CCDC171: variants seen among roughly 807,000 people sequenced by gnomAD.
CCDC171 encodes the protein coiled-coil domain containing 171, also known as coiled-coil domain-containing protein 171.
In CCDC171, 177 loss-of-function variants were observed where a neutral mutation model predicts 168.2. The observed-to-expected ratio is 1.05, with a 90% CI of 0.93 to 1.19. CCDC171 has a LOEUF of 1.19. Among genes scored for constraint, CCDC171 ranks in the 50% most tolerant of loss-of-function variants. The pLI is 0.00. For synonymous variants in CCDC171, 687 were observed against 540.8 expected (o/e 1.27, Z -3.75); for missense variants, 1,991 against 1,539.0 (o/e 1.29, Z -4.91).
chr9:15,640,039 A>G (rs569578742), intron 7 of CCDC171, among the ~76,000 whole-genome samples: 30 of 152,284 alleles, frequency 2.0e-4, no homozygotes, highest in African/African-American at 7.2e-4. Context: ...TAGGTACTCT[A>G]TAAATGTTCC....
At chr9:16,071,086 G>A in the CCDC171 span, among the ~76,000 whole-genome samples, 2 of 152,188 alleles carry the variant, frequency 1.3e-5, no homozygotes, top group African/African-American at 4.8e-5. Flanking sequence ...GAGCTCCCAG[G>A]AGCCGTCACA....
intron 3 of CCDC171, among the ~76,000 whole-genome samples, chr9:16,008,521 C>A (rs1422145823): frequency 1.3e-5 from 2 of 152,150 alleles, no homozygotes; most frequent in Non-Finnish European, 1.5e-5. Context: ...TTTCCCAAGT[C>A]TTTCTGAGAG....
rs2059648706 is a variant in CCDC171 at position 15,818,650 on chromosome 9, A to G, written c.3268-28052A>G. Among the ~76,000 whole-genome samples the G allele has an allele frequency of 6.8e-5, 8 of 117,936 alleles. 2 individuals are homozygous for G. Among genetic ancestry groups the G allele is most frequent in the Admixed American group, 6.4e-4 (8 of 12,468 alleles). The allele number at this position is 117,936 out of a possible 152,430, so 77.4% of individuals were successfully genotyped here. A position where few individuals can be genotyped will look rare whatever the true frequency, so the allele number is the denominator to read the frequency against. The stretch of plus-strand genomic sequence containing the variant: ...AAGAAGAGAAGTTTAGAGAAAAAAG[A>G]ATAAAAGAAACGAACAAAGCCTCCA... On this transcript the variant is annotated intron_variant, in intron 21 of 25. Coordinates refer to ENST00000380701, the MANE Select transcript of CCDC171 (RefSeq NM_173550.4).
chr9:15,649,537 C>T (rs1001996742), intron 7 of CCDC171, among the ~76,000 whole-genome samples: 1 of 151,988 alleles, frequency 6.6e-6, no homozygotes, highest in Non-Finnish European at 1.5e-5. Flanking sequence ...ACAATGAACT[C>T]AAACAAATTT....
chr9:15,934,651 T>C (rs2132196045), intron 25 of CCDC171, among the ~76,000 whole-genome samples: 1 of 152,136 alleles, frequency 6.6e-6, no homozygotes, highest in South Asian at 2.1e-4. Flanking sequence ...TACTCCTGCA[T>C]ATATACCCAA....
chr9:15,618,117 G>C (rs1162739739), intron 6 of CCDC171, among the ~76,000 whole-genome samples: 1 of 152,156 alleles, frequency 6.6e-6, no homozygotes, highest in Non-Finnish European at 1.5e-5. Flanking sequence ...CTGAAGCTGC[G>C]ACTGCAGCCG....
chr9:16,097,097 C>T, the CCDC171 span, among the ~76,000 whole-genome samples: 1 of 152,068 alleles, frequency 6.6e-6, no homozygotes, highest in African/African-American at 2.4e-5. Context: ...GGAGTAACAC[C>T]CACTGAGCGA....
chr9:15,745,433 A>G, intron 17 of CCDC171, 82 bp from the exon 18 acceptor site: 1 of 774,588 alleles, frequency 1.3e-6, no homozygotes, highest in East Asian at 2.9e-5. Context: ...TTTCTTAAAT[A>G]GCTGAACACT....
chr9:15,570,014 A>G (rs2040092837), intron 2 of CCDC171, among the ~76,000 whole-genome samples: 1 of 151,172 alleles, frequency 6.6e-6, no homozygotes, highest in Admixed American at 6.6e-5. Context: ...CTTGTTGCCC[A>G]GGGTGGAGTT....
At chr9:15,644,083 A>G (rs1447774946) in intron 7 of CCDC171, among the ~76,000 whole-genome samples, 1 of 152,228 alleles carries the variant, frequency 6.6e-6, no homozygotes, top group African/African-American at 2.4e-5. Flanking sequence ...TTGGGCAAAT[A>G]TATAGGAATG....
intron 25 of CCDC171, among the ~76,000 whole-genome samples, chr9:15,941,088 C>T (rs1827671534): frequency 6.6e-6 from 1 of 151,982 alleles, no homozygotes. Flanking sequence ...GTGTCCCTCT[C>T]AGGGCCTTGT....
At chr9:15,643,548 C>G (rs1171967242) in intron 7 of CCDC171, among the ~76,000 whole-genome samples, 1 of 152,082 alleles carries the variant, frequency 6.6e-6, no homozygotes, top group Non-Finnish European at 1.5e-5. Context: ...ATCAGGGATT[C>G]TTTATTTTTC....
chr9:15,895,448 A>G (rs1282203249), intron 24 of CCDC171, among the ~76,000 whole-genome samples: 1 of 152,126 alleles, frequency 6.6e-6, no homozygotes, highest in Non-Finnish European at 1.5e-5. Flanking sequence ...TGATTTTGAC[A>G]CTTGAGCAGA....
At chr9:15,883,985 C>T (rs1253185416) in intron 24 of CCDC171, among the ~76,000 whole-genome samples, 1 of 152,104 alleles carries the variant, frequency 6.6e-6, no homozygotes, top group East Asian at 1.9e-4. Context: ...AAATCCTTCC[C>T]CCTGTAGACA....
At chr9:15,785,889 A>AT (rs959028002) in intron 21 of CCDC171, among the ~76,000 whole-genome samples, 37 of 147,300 alleles carry the variant, frequency 2.5e-4, no homozygotes, top group Middle Eastern at 7.1e-3. Flanking sequence ...TATGATTTTG[A>AT]TTTTTTTTTT....
intron 4 of CCDC171, among the ~76,000 whole-genome samples, chr9:15,580,750 G>T (rs907943678): frequency 6.6e-6 from 1 of 152,142 alleles, no homozygotes; most frequent in African/African-American, 2.4e-5. Flanking sequence ...CATGGATGTG[G>T]TAAAAAGGGA....
intron 6 of CCDC171, among the ~76,000 whole-genome samples, chr9:15,607,839 A>G (rs934933580): frequency 1.3e-5 from 2 of 152,160 alleles, no homozygotes; most frequent in African/African-American, 4.8e-5. Context: ...ATAATATTTT[A>G]TCTTGTGCGT....
chr9:15,678,769 A>G lies in CCDC171; in HGVS notation c.1088A>G (p.Glu363Gly). 6.3e-7 allele frequency: 1 copy of G among 1,584,580 alleles called. No individual in the cohort carries two copies. The highest frequency in any genetic ancestry group is 8.5e-7 in the Non-Finnish European group (1 of 1,172,078). The change falls in exon 10 of 26, where the codon GAG (glutamate) becomes GGG (glycine). Residue 363 changes from glutamate (E) to glycine (G), a missense_variant. By Grantham distance (98) the Glu-to-Gly change is moderately conservative. Transcript: ENST00000380701. Reference protein sequence around the residue: ...SFAKLNLLEKEYFSKNKKLNE... With the variant: ...SFAKLNLLEKGYFSKNKKLNE... ...CTTTAACTTTTCAGATTAGAAAAAGAGTATTTCTCCAAAAATAAGAAACTA... is the reference window on the plus strand; with the variant it reads ...CTTTAACTTTTCAGATTAGAAAAAGGGTATTTCTCCAAAAATAAGAAACTA...
chr9:15,675,056 A>G (rs201769609), intron 9 of CCDC171, among the ~76,000 whole-genome samples: 6 of 152,116 alleles, frequency 3.9e-5, no homozygotes, highest in African/African-American at 1.4e-4. Context: ...GTATTGGGCG[A>G]ATATATATTT....
Sources: allele counts gnomAD v4.1 joint callset (sites outside exome capture counted in the v4.1 genomes callset), GRCh38; gene constraint gnomAD v4.1.1; transcripts MANE v1.5; gene names NCBI Gene and HGNC (gene_info 2026-07-23, HGNC 2026-07-21).